The following ARHGAP15 variants were observed in gnomAD, a reference collection of about 807,000 sequenced individuals.
The protein encoded by ARHGAP15 is rho GTPase-activating protein 15.
In ARHGAP15, 51 loss-of-function variants were observed where a neutral mutation model predicts 63.7. The ratio of observed to expected loss-of-function variants is 0.80; its 90% CI spans 0.64 to 1.01. ARHGAP15 has a LOEUF of 1.01. Among genes scored for constraint, ARHGAP15 ranks in the 50% least tolerant of loss-of-function variants. The pLI is 0.00. For synonymous variants in ARHGAP15, 191 were observed against 193.8 expected (o/e 0.99, Z 0.12); for missense variants, 560 against 564.6 (o/e 0.99, Z 0.08).
At chr2:143,176,447 A>G (rs1230907996) in intron 2 of ARHGAP15, among the ~76,000 whole-genome samples, 1 of 152,146 alleles carries the variant, frequency 6.6e-6, no homozygotes, top group Non-Finnish European at 1.5e-5. Flanking sequence ...ATTAATAATT[A>G]TATATCCTAA....
intron 13 of ARHGAP15, among the ~76,000 whole-genome samples, chr2:143,763,517 C>A (rs947166115): frequency 1.3e-5 from 2 of 151,722 alleles, no homozygotes; most frequent in African/African-American, 4.8e-5. Flanking sequence ...TTACCTTCAC[C>A]TTTTCTAACC....
At chr2:143,495,524 C>T (rs1196885120) in intron 9 of ARHGAP15, among the ~76,000 whole-genome samples, 1 of 152,120 alleles carries the variant, frequency 6.6e-6, no homozygotes, top group African/African-American at 2.4e-5. Flanking sequence ...TAATTACCCA[C>T]ACAGACATAA....
chr2:143,378,312 A>G (rs1686903036), intron 6 of ARHGAP15, among the ~76,000 whole-genome samples: 1 of 152,074 alleles, frequency 6.6e-6, no homozygotes. Flanking sequence ...TATTAAACAG[A>G]TATTAAAGTA....
chr2:143,727,690 C>A (rs554976467), intron 13 of ARHGAP15, among the ~76,000 whole-genome samples: 1 of 152,242 alleles, frequency 6.6e-6, no homozygotes, highest in East Asian at 1.9e-4. Context: ...TTGTTGTGGG[C>A]ATGCATTGTA....
chr2:143,320,346 T>C (rs1683949220), intron 6 of ARHGAP15, among the ~76,000 whole-genome samples: 1 of 142,068 alleles, frequency 7.0e-6, no homozygotes, highest in Non-Finnish European at 1.5e-5. Flanking sequence ...AGCCCTAAAA[T>C]GGCCGCAATG....
chr2:143,217,852 T>G (rs1692818451), intron 4 of ARHGAP15, among the ~76,000 whole-genome samples: 1 of 152,062 alleles, frequency 6.6e-6, no homozygotes, highest in South Asian at 2.1e-4. Flanking sequence ...TAGAGCTGAG[T>G]AGGAGAATAG....
intron 13 of ARHGAP15, among the ~76,000 whole-genome samples, chr2:143,726,933 C>CA (rs1685306936): frequency 6.6e-6 from 1 of 152,196 alleles, no homozygotes; most frequent in Non-Finnish European, 1.5e-5. Context: ...CTGGATAGCA[C>CA]AAAGGCTGGT....
At chr2:143,580,284 A>G (rs1195484267) in intron 11 of ARHGAP15, among the ~76,000 whole-genome samples, 2 of 152,066 alleles carry the variant, frequency 1.3e-5, no homozygotes, top group Non-Finnish European at 2.9e-5. Context: ...TGAAAAGACA[A>G]AATTTAACTA....
intron 13 of ARHGAP15, among the ~76,000 whole-genome samples, chr2:143,714,246 C>T (rs1191020074): frequency 6.6e-6 from 1 of 152,236 alleles, no homozygotes; most frequent in Admixed American, 6.5e-5. Flanking sequence ...AGGCTTGGGG[C>T]TTCCACCCTC....
chr2:143,325,113 A>C (rs1309751370), intron 6 of ARHGAP15, among the ~76,000 whole-genome samples: 1 of 152,088 alleles, frequency 6.6e-6, no homozygotes, highest in African/African-American at 2.4e-5. Context: ...AACATACACC[A>C]TTTTGAGTTT....
rs60596583 is a variant in ARHGAP15 at position 143,625,492 on chromosome 2, T to C, written c.1138+1225T>C. Among the ~76,000 whole-genome samples, 15 of 144,394 alleles carry C rather than the reference T, an allele frequency of 1.0e-4. No individual in the cohort carries two copies. The East Asian group carries it at 1.2e-3, about 11-fold the overall frequency. 94.7% of individuals were successfully genotyped at this position (144,394 alleles called of 152,430 possible). A position where few individuals can be genotyped will look rare whatever the true frequency, so the allele number is the denominator to read the frequency against. On this transcript the variant is annotated intron_variant, in intron 12 of 13. Coordinates refer to ENST00000295095, the MANE Select transcript of ARHGAP15 (RefSeq NM_018460.4). ...GCTGCTGCTGCTGCTGCTGCTGCTGTTGTTGAATGCAGTAACAATACTCTA... is the reference window on the plus strand; with the variant it reads ...GCTGCTGCTGCTGCTGCTGCTGCTGCTGTTGAATGCAGTAACAATACTCTA...
chr2:143,278,719 A>G (rs191227906), intron 6 of ARHGAP15, among the ~76,000 whole-genome samples: 1 of 151,286 alleles, frequency 6.6e-6, no homozygotes, highest in East Asian at 1.9e-4. Context: ...ACAGCAATTT[A>G]AAAATACAAG....
intron 11 of ARHGAP15, among the ~76,000 whole-genome samples, chr2:143,579,992 C>G (rs546200537): frequency 0.19 from 26,917 of 140,080 alleles, 2,887 homozygotes; most frequent in Middle Eastern, 0.29. Context: ...AATGTTTCTT[C>G]AAAACATTTG....
chr2:143,534,811 G>T (rs927555370), intron 10 of ARHGAP15, among the ~76,000 whole-genome samples: 8 of 151,878 alleles, frequency 5.3e-5, no homozygotes, highest in Non-Finnish European at 1.0e-4. Context: ...GCCTGGAGAG[G>T]TTGAGGCTGC....
At chr2:143,262,943 T>C (rs1030481543) in intron 6 of ARHGAP15, among the ~76,000 whole-genome samples, 11 of 152,154 alleles carry the variant, frequency 7.2e-5, no homozygotes, top group Non-Finnish European at 1.2e-4. Context: ...CGGGGGCTAC[T>C]CTTACTCCTA....
intron 5 of ARHGAP15, among the ~76,000 whole-genome samples, chr2:143,239,511 G>A (rs999410711): frequency 3.9e-5 from 6 of 152,080 alleles, no homozygotes; most frequent in South Asian, 2.1e-4. Flanking sequence ...TGAGTTTGAC[G>A]TTATAAAAAT....
In ARHGAP15 at chr2:143,658,966, GAGA is replaced by G. The variant is rs1309770055; in HGVS notation, c.1138+34702_1138+34704del. On this transcript the variant is annotated intron_variant, in intron 12 of 13. Coordinates refer to ENST00000295095, the MANE Select transcript of ARHGAP15 (RefSeq NM_018460.4). ...ACAATACCAGAATTCTCTTTAGAAAGAGAAGGAGAAGAATAGATGTAGGATAGA... is the reference window on the plus strand; with the variant it reads ...ACAATACCAGAATTCTCTTTAGAAAGAGGAGAAGAATAGATGTAGGATAGA... Among the ~76,000 whole-genome samples the G allele has an allele frequency of 3.9e-5, 6 of 152,312 alleles. No individual in the cohort carries two copies. The East Asian group carries it at 1.2e-3, about 29-fold the overall frequency.
At chr2:143,757,535 C>T (rs1366879004) in intron 13 of ARHGAP15, among the ~76,000 whole-genome samples, 2 of 150,814 alleles carry the variant, frequency 1.3e-5, no homozygotes, top group Admixed American at 6.6e-5. Flanking sequence ...TATATATATA[C>T]ACATACATAC....
chr2:143,529,370 C>T (rs559397540), intron 10 of ARHGAP15, among the ~76,000 whole-genome samples: 2 of 152,222 alleles, frequency 1.3e-5, no homozygotes, highest in South Asian at 4.1e-4. Context: ...CTCCATACTT[C>T]CTTTTGAGAT....
Sources: allele counts gnomAD v4.1 joint callset (sites outside exome capture counted in the v4.1 genomes callset), GRCh38; gene constraint gnomAD v4.1.1; transcripts MANE v1.5; gene names NCBI Gene and HGNC (gene_info 2026-07-23, HGNC 2026-07-21).